Variants in PADI3 observed in about 807,000 individuals in gnomAD.
PADI3 encodes protein-arginine deiminase type-3.
Under a neutral mutation model 71.5 loss-of-function variants are expected in PADI3, and 53 were observed. The ratio of observed to expected loss-of-function variants is 0.74; its 90% CI spans 0.59 to 0.93. PADI3 has a LOEUF of 0.93. PADI3 is among the 40% of genes least tolerant of loss of function. The pLI is 0.00. For synonymous variants in PADI3, 361 were observed against 347.5 expected (o/e 1.04, Z -0.43); for missense variants, 821 against 868.0 (o/e 0.95, Z 0.68).
chr1:17,280,460 T>C, intron 14 of PADI3, 31 bp downstream of exon 14: 1 of 1,589,314 alleles, frequency 6.3e-7, no homozygotes, highest in Non-Finnish European at 8.6e-7. Context: ...CTGTGGGCTG[T>C]GATTTGGGAG....
intron 2 of PADI3, among the ~76,000 whole-genome samples, chr1:17,261,427 G>T (rs966475246): frequency 2.0e-5 from 3 of 152,298 alleles, no homozygotes; most frequent in Admixed American, 1.3e-4. Context: ...GGAAATTGAG[G>T]CCCAGAGAAG....
At chr1:17,258,235 G>T (rs1298023867) in intron 1 of PADI3, among the ~76,000 whole-genome samples, 1 of 152,180 alleles carries the variant, frequency 6.6e-6, no homozygotes, top group Non-Finnish European at 1.5e-5. Context: ...CCTCCAACTC[G>T]CAGTGGCCTC....
intron 7 of PADI3, 57 bp downstream of exon 7, chr1:17,270,468 G>A: frequency 6.8e-7 from 1 of 1,466,968 alleles, no homozygotes; most frequent in Non-Finnish European, 9.2e-7. Context: ...GGGCAACATG[G>A]TGAAACCCCA....
Position 17,266,757 on chromosome 1 carries a change from C to T in PADI3, c.447C>T (p.Ile149=). Residue 149 remains isoleucine (I), a synonymous_variant, in exon 5 of 16, where the codon ATC becomes ATT. Coordinates refer to ENST00000375460, the MANE Select transcript of PADI3 (RefSeq NM_016233.2). ...GGGGGCCCAGTGGGTATGGCGGCAT[C>T]TTGCTGGTGAACTGTGACCGTGATG... ...WVWGPSGYGG[I]LLVNCDRDDP... is the part of the protein sequence containing the mutation. 2 of 1,614,150 alleles carry T rather than the reference C, an allele frequency of 1.2e-6. No individual in the cohort carries two copies. The highest frequency in any genetic ancestry group is 1.7e-6 in the Non-Finnish European group (2 of 1,180,010).
chr1:17,267,807 G>A, intron 5 of PADI3, 30 bp from the exon 6 acceptor site: 1 of 1,610,874 alleles, frequency 6.2e-7, no homozygotes, highest in East Asian at 2.2e-5. Flanking sequence ...GGACTCCCTT[G>A]AGTCACTACC....
chr1:17,259,301 G>A (rs111651180), intron 1 of PADI3, among the ~76,000 whole-genome samples: 10 of 152,044 alleles, frequency 6.6e-5, no homozygotes, highest in African/African-American at 2.2e-4. Context: ...CAAGTGATCC[G>A]CCCGCCTCGG....
rs756116104 is a variant in PADI3 at position 17,273,340 on chromosome 1, G to A, written c.1048G>A (p.Asp350Asn). The change falls in exon 10 of 16, where the codon GAT (aspartate) becomes AAT (asparagine). Residue 350 changes from aspartate (D) to asparagine (N), a missense_variant and splice_region_variant. Coordinates refer to ENST00000375460, the MANE Select transcript of PADI3 (RefSeq NM_016233.2). ...GTCTCTCGCCTCTCCTCACTTGCAG[G>A]ATGAGATGGAGCTGGGCTACGTTCA... ...AENRNDRWIQ[D>N]EMELGYVQAP... 2 of 1,611,534 alleles carry A rather than the reference G, an allele frequency of 1.2e-6. No individual in the cohort carries two copies. The highest frequency in any genetic ancestry group is 1.7e-4 in the Middle Eastern group (1 of 6,048).
intron 15 of PADI3, among the ~76,000 whole-genome samples, chr1:17,282,227 A>G (rs2100608005): frequency 6.6e-6 from 1 of 152,212 alleles, no homozygotes; most frequent in Non-Finnish European, 1.5e-5. Context: ...AGCCAGAGGG[A>G]GTCTTAATAT....
At chr1:17,265,825 C>A in intron 4 of PADI3, 105 bp downstream of exon 4, 1 of 1,013,794 alleles carries the variant, frequency 9.9e-7, no homozygotes, top group Non-Finnish European at 1.5e-6. Flanking sequence ...TGCCTCCCAG[C>A]TGATGCCGAG....
chr1:17,251,793 C>A (rs529864851), intron 1 of PADI3, among the ~76,000 whole-genome samples: 30 of 152,332 alleles, frequency 2.0e-4, no homozygotes, highest in African/African-American at 7.0e-4. Flanking sequence ...TTATCATCAT[C>A]ATCAGTTTAA....
intron 1 of PADI3, among the ~76,000 whole-genome samples, chr1:17,250,565 G>A (rs2072954114): frequency 6.6e-6 from 1 of 152,222 alleles, no homozygotes; most frequent in South Asian, 2.1e-4. Flanking sequence ...AGGGAACCAA[G>A]TCGGGAGCAG....
intron 8 of PADI3, 41 bp downstream of exon 8, chr1:17,271,023 C>T (rs748925952): frequency 1.2e-6 from 2 of 1,612,476 alleles, no homozygotes; most frequent in Non-Finnish European, 1.7e-6. Flanking sequence ...GGCCCCCAGG[C>T]CCCGGCTCCA....
At chr1:17,271,884 T>C (rs1367334977) in intron 9 of PADI3, among the ~76,000 whole-genome samples, 1 of 143,648 alleles carries the variant, frequency 7.0e-6, no homozygotes, top group East Asian at 2.0e-4. Flanking sequence ...AAAAGAAATA[T>C]CTAGGGTGCA....
Position 17,281,567 on chromosome 1 carries a change from C to T in PADI3, c.1761+771C>T, listed in dbSNP as rs552134455. 2.2e-3 allele frequency among the ~76,000 whole-genome samples: 335 copies of T among 152,060 alleles called. 1 individual carries two copies. The highest frequency in any genetic ancestry group is 7.8e-3 in the African/African-American group (323 of 41,452). On this transcript the variant is annotated intron_variant, in intron 15 of 15. Transcript: ENST00000375460. ...TCAAGCGATTCTCCTGCCTCAGCCT[C>T]CTGAGTAGCTGGGATTGTGGGATTG...
chr1:17,259,833 C>A, intron 2 of PADI3, 75 bp downstream of exon 2: 1 of 1,333,580 alleles, frequency 7.5e-7, no homozygotes, highest in Non-Finnish European at 1.0e-6. Context: ...GCCCAACATT[C>A]TCTTTCTCCA....
In PADI3 at chr1:17,262,176, C is replaced by G. The variant is rs2073110699; in HGVS notation, c.317C>G (p.Ala106Gly). 6.2e-7 allele frequency: 1 copy of G among 1,613,086 alleles called. No homozygotes were observed. Among genetic ancestry groups the G allele is most frequent in the African/African-American group, 1.3e-5 (1 of 74,942 alleles). ...YHSSHEPLPL[A>G]YAVLYLTCVD... Reference sequence around the variant, plus strand: ...TCCAGCCATGAGCCTCTGCCCCTGGCCTATGCGGTGCTCTACCTCACCTGT... The same window carrying G: ...TCCAGCCATGAGCCTCTGCCCCTGGGCTATGCGGTGCTCTACCTCACCTGT... The change falls in exon 3 of 16, where the codon GCC becomes GGC. Residue 106 changes from alanine to glycine, a missense_variant. Transcript: ENST00000375460.
intron 7 of PADI3, 54 bp from the exon 8 acceptor site, chr1:17,270,825 C>CT: frequency 7.8e-6 from 10 of 1,285,822 alleles, no homozygotes; most frequent in Non-Finnish European, 1.1e-5. Context: ...AGAGTCCCCC[C>CT]AGGCCTCTGG....
Position 17,283,135 on chromosome 1 carries a change from GAGAC to G in PADI3, c.*60_*63del. The G allele has an allele frequency of 1.5e-6, 2 of 1,324,904 alleles. No homozygotes were observed. The highest frequency in any genetic ancestry group is 2.2e-6 in the Non-Finnish European group (2 of 926,292). 82.1% of individuals were successfully genotyped at this position (1,324,904 alleles called of 1,614,324 possible). On this transcript the variant is annotated 3_prime_UTR_variant, in exon 16 of 16. Coordinates refer to ENST00000375460, the MANE Select transcript of PADI3 (RefSeq NM_016233.2). ...GGGGCGGGCATTGGCCCAGGTGGTG[GAGAC>G]AGAGACAGGCCCCTGAACGATAAGC...
chr1:17,274,754 G>T lies in PADI3; in HGVS notation c.1275G>T (p.Leu425=). The T allele has an allele frequency of 6.2e-7, 1 of 1,613,966 alleles. No homozygotes were observed. Among genetic ancestry groups the T allele is most frequent in the Non-Finnish European group, 8.5e-7 (1 of 1,179,908 alleles). Residue 425 remains leucine, a synonymous_variant, in exon 11 of 16, where the codon CTG becomes CTT. Transcript: ENST00000375460. ...TGGCCAATGGGAAAGAGTACCCCCTGGGGAGGATCCTCATTGGGGGCAACC... is the reference window on the plus strand; with the variant it reads ...TGGCCAATGGGAAAGAGTACCCCCTTGGGAGGATCCTCATTGGGGGCAACC... ...PVVANGKEYP[L]GRILIGGNLP...
Sources: gnomAD v4.1 joint callset for allele counts (sites outside exome capture counted in the v4.1 genomes callset) on GRCh38, gnomAD v4.1.1 for gene constraint, MANE v1.5 for transcripts, NCBI Gene and HGNC (gene_info 2026-07-23, HGNC 2026-07-21) for gene names.